Variants in MCOLN2 observed in about 807,000 individuals in gnomAD.
The protein encoded by MCOLN2 is mucolipin TRP cation channel 2.
A neutral mutation model predicts 67.5 loss-of-function variants in MCOLN2; 57 were observed. The observed-to-expected ratio is 0.84, with a 90% confidence interval of 0.68 to 1.05. The LOEUF is 1.05. MCOLN2 is among the 50% of genes least tolerant of loss of function. The pLI, the probability that MCOLN2 is intolerant of heterozygous loss-of-function variation, is 0.00. For missense variants in MCOLN2, 620 were observed against 678.8 expected (o/e 0.91, Z 0.96); for synonymous variants, 246 against 233.3 (o/e 1.05, Z -0.50).
intron 7 of MCOLN2, among the ~76,000 whole-genome samples, chr1:84,943,299 G>A (rs1335898984): frequency 6.6e-6 from 1 of 152,156 alleles, no homozygotes; most frequent in African/African-American, 2.4e-5. Context: ...CCTGTCTTGG[G>A]CAAACTGAGT....
chr1:84,989,303 A>T lies in MCOLN2; in HGVS notation c.77+7493T>A, dbSNP rs536927396. ...AACAACAATATTAATAACATGATAA[A>T]AATAATAGAAAGTCTAAAATATTAG... On this transcript the variant is annotated intron_variant, in intron 1 of 13. Coordinates refer to ENST00000370608, the MANE Select transcript of MCOLN2 (RefSeq NM_153259.4). 3.5e-4 allele frequency among the ~76,000 whole-genome samples: 53 copies of T among 152,346 alleles called. 1 individual carries two copies. The South Asian group carries it at 8.9e-3, about 26-fold the overall frequency.
At chr1:84,953,550 C>CAAAA (rs138750958) in intron 4 of MCOLN2, among the ~76,000 whole-genome samples, 6 of 118,404 alleles carry the variant, frequency 5.1e-5, no homozygotes, top group African/African-American at 1.5e-4. Flanking sequence ...AACTCTATCT[C>CAAAA]AAAAAAAAAA....
At chr1:84,996,755 T>C (rs1651176982) in intron 1 of MCOLN2, 41 bp downstream of exon 1, 1 of 1,569,606 alleles carries the variant, frequency 6.4e-7, no homozygotes, top group African/African-American at 1.4e-5. Context: ...GGAAGATTTC[T>C]CCAGTCCAGC....
At chr1:84,954,179 C>T (rs773269756) in intron 4 of MCOLN2, among the ~76,000 whole-genome samples, 8 of 152,306 alleles carry the variant, frequency 5.3e-5, no homozygotes, top group East Asian at 1.9e-4. Context: ...GATACACTTA[C>T]GTTTAATGAA....
chr1:84,938,045 C>G lies in MCOLN2; in HGVS notation c.1148G>C (p.Gly383Ala), dbSNP rs746779517. 6.2e-6 allele frequency: 10 copies of G among 1,613,314 alleles called. No homozygotes were observed. In the Admixed American group the frequency reaches 1.5e-4, roughly 24 times the overall value. The change falls in exon 10 of 14, where the codon GGA becomes GCA. Residue 383 changes from glycine to alanine, a missense_variant. Transcript: ENST00000370608. ...AACCCAAACCAAGAGCGTAGAGGTT[C>G]CAAGAAAAATGCTGCAGAGATCATA... ...TNYDLCSIFL[G>A]TSTLLVWVGV...
intron 6 of MCOLN2, among the ~76,000 whole-genome samples, chr1:84,948,904 T>C (rs1430584818): frequency 6.6e-6 from 1 of 152,122 alleles, no homozygotes; most frequent in East Asian, 1.9e-4. Context: ...CCAAGGCAGG[T>C]GGATCATTTT....
intron 1 of MCOLN2, among the ~76,000 whole-genome samples, chr1:84,971,418 T>C (rs1380285347): frequency 6.6e-6 from 1 of 151,998 alleles, no homozygotes; most frequent in African/African-American, 2.4e-5. Context: ...TTCTAAACTT[T>C]ACTTTTCTGA....
chr1:84,988,299 A>G (rs910032587), intron 1 of MCOLN2, among the ~76,000 whole-genome samples: 2 of 151,810 alleles, frequency 1.3e-5, no homozygotes, highest in African/African-American at 4.8e-5. Context: ...CAATCCTCCC[A>G]CCTCGGCCTC....
chr1:84,962,632 G>C (rs1023353450), intron 2 of MCOLN2, among the ~76,000 whole-genome samples: 1 of 152,186 alleles, frequency 6.6e-6, no homozygotes, highest in Non-Finnish European at 1.5e-5. Context: ...AGGCCCAGTG[G>C]GGGAGATGGG....
At chr1:84,956,303 G>T in intron 4 of MCOLN2, 128 bp downstream of exon 4, 1 of 825,434 alleles carries the variant, frequency 1.2e-6, no homozygotes, top group Non-Finnish European at 1.9e-6. Flanking sequence ...CAGTGTTGGA[G>T]TGTCAGCCCC....
intron 1 of MCOLN2, among the ~76,000 whole-genome samples, chr1:84,988,660 G>C (rs190364497): frequency 1.2e-4 from 19 of 152,194 alleles, no homozygotes; most frequent in Non-Finnish European, 2.2e-4. Context: ...AACTGCAATA[G>C]CCTCCCAATT....
chr1:84,939,958 C>T (rs1304119550), intron 8 of MCOLN2, among the ~76,000 whole-genome samples: 1 of 152,144 alleles, frequency 6.6e-6, no homozygotes, highest in Admixed American at 6.5e-5. Flanking sequence ...ATAGCTAACA[C>T]ACAGTACATT....
intron 1 of MCOLN2, among the ~76,000 whole-genome samples, chr1:84,974,849 G>A (rs184194531): frequency 6.6e-6 from 1 of 152,144 alleles, no homozygotes; most frequent in Non-Finnish European, 1.5e-5. Context: ...TTCATGACAA[G>A]CTGACTTAAG....
intron 2 of MCOLN2, among the ~76,000 whole-genome samples, 184 bp from the exon 3 acceptor site, chr1:84,958,886 C>T (rs945629252): frequency 1.3e-5 from 2 of 152,144 alleles, no homozygotes; most frequent in Admixed American, 6.5e-5. Context: ...CATCAAGCTA[C>T]ATCAGCAATT....
At chr1:84,994,551 T>C (rs1162280595) in intron 1 of MCOLN2, among the ~76,000 whole-genome samples, 1 of 152,236 alleles carries the variant, frequency 6.6e-6, no homozygotes, top group South Asian at 2.1e-4. Flanking sequence ...CTTCCTTTCT[T>C]AAAGCTCATG....
chr1:84,995,229 C>A (rs11804248), intron 1 of MCOLN2, among the ~76,000 whole-genome samples: 65,464 of 151,424 alleles, frequency 0.43, 14,594 homozygotes, highest in East Asian at 0.62. Flanking sequence ...AGAATTGCCA[C>A]AATGTGACAT....
chr1:84,958,562 A>C lies in MCOLN2; in HGVS notation c.378T>G (p.Asp126Glu), dbSNP rs1257730475. 6.2e-7 allele frequency: 1 copy of C among 1,604,894 alleles called. No individual in the cohort carries two copies. Among genetic ancestry groups the C allele is most frequent in the Non-Finnish European group, 8.5e-7 (1 of 1,178,228 alleles). The change falls in exon 3 of 14, where the codon GAT becomes GAG. Residue 126 changes from aspartate to glutamate, a missense_variant. Coordinates refer to ENST00000370608, the MANE Select transcript of MCOLN2 (RefSeq NM_153259.4). ...DYSCSVYTQEDAYESIFFAIN... is the reference protein window; with the variant it reads ...DYSCSVYTQEEAYESIFFAIN... ...TAGCAAAAAAGATGCTCTCATAGGC[A>C]TCCTCTTGAGTATATACACTGCAGC...
chr1:84,953,952 G>C (rs555311223), intron 4 of MCOLN2, among the ~76,000 whole-genome samples: 1 of 152,308 alleles, frequency 6.6e-6, no homozygotes, highest in East Asian at 1.9e-4. Flanking sequence ...GGGGCCTTGT[G>C]CAGTGCCTGG....
At chr1:84,954,340 C>T (rs1000403285) in intron 4 of MCOLN2, among the ~76,000 whole-genome samples, 11 of 152,150 alleles carry the variant, frequency 7.2e-5, no homozygotes, top group African/African-American at 2.7e-4. Flanking sequence ...CCTGACTAGA[C>T]CTTAATTAGT....
Sources: gnomAD v4.1 joint callset for allele counts (sites outside exome capture counted in the v4.1 genomes callset) on GRCh38, gnomAD v4.1.1 for gene constraint, MANE v1.5 for transcripts, NCBI Gene and HGNC (gene_info 2026-07-23, HGNC 2026-07-21) for gene names.